Variants in PDZRN4 observed in about 807,000 individuals in gnomAD.
PDZRN4 encodes PDZ domain containing ring finger 4, also known as PDZ domain-containing RING finger protein 4.
Under a neutral mutation model 99.0 loss-of-function variants are expected in PDZRN4, and 70 were observed. The ratio of observed to expected loss-of-function variants is 0.71; its 90% CI spans 0.58 to 0.86. The LOEUF (loss-of-function observed/expected upper bound fraction) is 0.86, where lower values mean the gene tolerates loss of function less well. Among genes scored for constraint, PDZRN4 ranks in the 40% least tolerant of loss-of-function variants. The pLI, the probability that PDZRN4 is intolerant of heterozygous loss-of-function variation, is 0.00. For synonymous variants in PDZRN4, 551 were observed against 501.6 expected (o/e 1.10, Z -1.32); for missense variants, 1,474 against 1,331.2 (o/e 1.11, Z -1.67).
intron 3 of PDZRN4, among the ~76,000 whole-genome samples, chr12:41,494,392 C>T (rs1378553988): frequency 6.6e-6 from 1 of 151,906 alleles, no homozygotes; most frequent in Non-Finnish European, 1.5e-5. Context: ...ATTTCTGCAC[C>T]TCTAGGGGCA....
intron 3 of PDZRN4, among the ~76,000 whole-genome samples, chr12:41,260,505 A>G (rs1390962664): frequency 1.3e-5 from 2 of 152,210 alleles, no homozygotes; most frequent in Non-Finnish European, 2.9e-5. Flanking sequence ...CCAATTATAC[A>G]TGAGTTAATA....
rs567141322 is a variant in PDZRN4, at chr12:41,535,763, G to A, written c.1204-16893G>A. ...GTCCCTTTTTCTCTGTCTCTCTTTT[G>A]CCCTCTCTTTGCCCTTCCACCGTGG... On this transcript the variant is annotated intron_variant, in intron 5 of 9. Transcript: ENST00000402685. 3.3e-5 allele frequency among the ~76,000 whole-genome samples: 5 copies of A among 152,160 alleles called. No homozygotes were observed. The East Asian group carries it at 5.8e-4, about 18-fold the overall frequency.
chr12:41,314,721 G>A (rs757055213), intron 3 of PDZRN4, among the ~76,000 whole-genome samples: 1 of 151,968 alleles, frequency 6.6e-6, no homozygotes, highest in South Asian at 2.1e-4. Context: ...TCTTGTTTTG[G>A]TTATTTTTTT....
intron 3 of PDZRN4, among the ~76,000 whole-genome samples, chr12:41,367,623 T>C (rs544926945): frequency 6.6e-6 from 1 of 152,248 alleles, no homozygotes; most frequent in South Asian, 2.1e-4. Context: ...TGGTCCTTCA[T>C]GAACACTTTC....
At chr12:41,518,060 AT>A (rs1296223988) in intron 5 of PDZRN4, among the ~76,000 whole-genome samples, 11 of 152,038 alleles carry the variant, frequency 7.2e-5, no homozygotes, top group African/African-American at 2.7e-4. Flanking sequence ...CCTAGTTTGA[AT>A]TTTTTCTTCA....
intron 3 of PDZRN4, among the ~76,000 whole-genome samples, chr12:41,283,081 C>G (rs1951399380): frequency 9.2e-6 from 1 of 108,176 alleles, no homozygotes; most frequent in Non-Finnish European, 2.3e-5. Flanking sequence ...TCAATGAATC[C>G]AGGGGCTGTT....
intron 3 of PDZRN4, among the ~76,000 whole-genome samples, chr12:41,452,796 A>G (rs752457556): frequency 2.0e-5 from 3 of 152,220 alleles, no homozygotes; most frequent in African/African-American, 7.2e-5. Context: ...TTAATATTTC[A>G]TTTAGTCCAG....
chr12:41,457,485 A>AT (rs1313730839), intron 3 of PDZRN4, among the ~76,000 whole-genome samples: 4 of 152,152 alleles, frequency 2.6e-5, no homozygotes, highest in Non-Finnish European at 5.9e-5. Context: ...AAGAATTTAA[A>AT]TTTTTTTGAA....
rs548593127 is a variant in PDZRN4, at chr12:41,396,619, T to G, written c.844-109837T>G. On this transcript the variant is annotated intron_variant, in intron 3 of 9. Coordinates refer to ENST00000402685, the MANE Select transcript of PDZRN4 (RefSeq NM_001164595.2). ...CTCTTGTGAGGTTTTGATCAAGGCG[T>G]TGGCTGGGGCTGCAGTGTCATCAGA... 5.0e-4 allele frequency among the ~76,000 whole-genome samples: 76 copies of G among 152,248 alleles called. No individual in the cohort carries two copies. In the South Asian group the frequency reaches 8.1e-3, roughly 16 times the overall value.
chr12:41,407,723 AAC>A (rs370710489), intron 3 of PDZRN4, among the ~76,000 whole-genome samples: 7,792 of 148,838 alleles, frequency 0.052, 224 homozygotes, highest in Non-Finnish European at 0.071. Context: ...AAAAAAAAAA[AAC>A]AAATGGCATA....
intron 1 of PDZRN4, among the ~76,000 whole-genome samples, chr12:41,189,857 C>G (rs1454181490): frequency 6.6e-6 from 1 of 152,160 alleles, no homozygotes; most frequent in Non-Finnish European, 1.5e-5. Context: ...GTCAGACCGG[C>G]CCTGCGAGCC....
intron 3 of PDZRN4, among the ~76,000 whole-genome samples, chr12:41,199,067 T>G (rs1950797627): frequency 6.6e-6 from 1 of 152,190 alleles, no homozygotes; most frequent in African/African-American, 2.4e-5. Context: ...GCTAAACATT[T>G]AGGCATGTTA....
intron 5 of PDZRN4, among the ~76,000 whole-genome samples, chr12:41,536,069 C>T (rs1938743700): frequency 6.6e-6 from 1 of 152,122 alleles, no homozygotes; most frequent in Non-Finnish European, 1.5e-5. Context: ...GGCTTTGTCT[C>T]CTGTCCTTCA....
intron 3 of PDZRN4, among the ~76,000 whole-genome samples, chr12:41,411,018 A>G (rs1449048496): frequency 2.6e-5 from 4 of 151,522 alleles, no homozygotes; most frequent in Non-Finnish European, 4.4e-5. Context: ...AGCTAGGACC[A>G]CAGGCACGTG....
intron 7 of PDZRN4, among the ~76,000 whole-genome samples, chr12:41,562,009 C>T (rs934142836): frequency 2.0e-5 from 3 of 151,964 alleles, no homozygotes; most frequent in Non-Finnish European, 2.9e-5. Flanking sequence ...TATGACAAAC[C>T]GCAACATATC....
intron 3 of PDZRN4, among the ~76,000 whole-genome samples, chr12:41,491,453 T>C (rs1937884585): frequency 6.6e-6 from 1 of 152,018 alleles, no homozygotes; most frequent in Non-Finnish European, 1.5e-5. Context: ...ACCTGTGAGG[T>C]GGAGGTTGCA....
At chr12:41,341,487 A>G (rs1050189574) in intron 3 of PDZRN4, among the ~76,000 whole-genome samples, 7 of 151,906 alleles carry the variant, frequency 4.6e-5, no homozygotes, top group Admixed American at 4.6e-4. Flanking sequence ...GGACTATTAC[A>G]TGAATCCAGT....
In PDZRN4 at chr12:41,563,487, A is replaced by G; in HGVS notation, c.1366-61A>G. 3.3e-6 allele frequency: 4 copies of G among 1,198,390 alleles called. No individual in the cohort carries two copies. The South Asian group carries it at 3.7e-5, about 11-fold the overall frequency. The allele number at this position is 1,198,390 out of a possible 1,614,324, so 74.2% of individuals were successfully genotyped here. A position where few individuals can be genotyped will look rare whatever the true frequency, so the allele number is the denominator to read the frequency against. On this transcript the variant is annotated intron_variant, in intron 7 of 9. Transcript: ENST00000402685. ...TACCATAAATGAGCTGATATTTGCC[A>G]TTTATTGTGTGCAGCATTGTGGAAA...
intron 1 of PDZRN4, among the ~76,000 whole-genome samples, chr12:41,189,424 C>T (rs563721271): frequency 1.3e-5 from 2 of 152,276 alleles, no homozygotes; most frequent in South Asian, 2.1e-4. Context: ...CCCTCCTGCC[C>T]ACCGTCTCTG....
Sources: gnomAD v4.1 joint callset for allele counts (sites outside exome capture counted in the v4.1 genomes callset) on GRCh38, gnomAD v4.1.1 for gene constraint, MANE v1.5 for transcripts, NCBI Gene and HGNC (gene_info 2026-07-23, HGNC 2026-07-21) for gene names.